Variants in EEA1 observed in about 807,000 individuals in gnomAD.
EEA1 encodes early endosome antigen 1, also known as early endosome antigen 1, 162kD.
EEA1 carries 111 observed loss-of-function variants against 209.2 expected under a neutral mutation model. The ratio of observed to expected loss-of-function variants is 0.53; its 90% confidence interval spans 0.45 to 0.62. The LOEUF is 0.62. EEA1 is among the 20% of genes least tolerant of loss of function. The pLI, the probability that EEA1 is intolerant of heterozygous loss-of-function variation, is 0.00. For missense variants in EEA1, 1,343 were observed against 1,530.8 expected, an observed-to-expected ratio of 0.88 and a Z score of 2.05; for synonymous variants, 536 against 540.6, an observed-to-expected ratio of 0.99 and a Z score of 0.12.
intron 1 of EEA1, among the ~76,000 whole-genome samples, chr12:92,919,531 T>C (rs1880901535): frequency 6.7e-6 from 1 of 149,442 alleles, no homozygotes; most frequent in Non-Finnish European, 1.5e-5. Context: ...AAAAAGCCTT[T>C]GACAAAATTC....
At position 92,777,560 on chromosome 12, in the gene EEA1, C is replaced by A; in HGVS notation, c.3997G>T (p.Glu1333Ter). The change falls in exon 27 of 29, where the codon GAA (glutamate) becomes TAA (stop). Residue 1333 changes from glutamate (E) to a stop codon, truncating the protein, a stop_gained. Coordinates refer to ENST00000322349, the MANE Select transcript of EEA1 (RefSeq NM_003566.4). LOFTEE classifies it high-confidence loss of function. ...TGACTGACCTGAAGTGATTGGTTTTCTCTGCCCAGCTCCTGCACTGCTGCA... is the reference window on the plus strand; with the variant it reads ...TGACTGACCTGAAGTGATTGGTTTTATCTGCCCAGCTCCTGCACTGCTGCA... ...TTAAVQELGRENQSLQIKHTQ... is the reference protein window; with the variant it reads ...TTAAVQELGR 6.2e-7 allele frequency: 1 copy of A among 1,611,732 alleles called. No homozygotes were observed. Among genetic ancestry groups the A allele is most frequent in the Non-Finnish European group, 8.5e-7 (1 of 1,178,470 alleles).
intron 22 of EEA1, among the ~76,000 whole-genome samples, chr12:92,784,222 G>A (rs1874031456): frequency 6.6e-6 from 1 of 152,106 alleles, no homozygotes; most frequent in African/African-American, 2.4e-5. Context: ...CCAAAAAGCA[G>A]AACAGCCATG....
At chr12:92,889,623 G>T (rs1879578758) in intron 2 of EEA1, among the ~76,000 whole-genome samples, 1 of 152,010 alleles carries the variant, frequency 6.6e-6, no homozygotes, top group Non-Finnish European at 1.5e-5. Flanking sequence ...TAAAGTCCGG[G>T]AGCAGTGACT....
At chr12:92,821,047 C>T (rs1876031531) in intron 13 of EEA1, 1 of 152,084 alleles carries the variant, frequency 6.6e-6, no homozygotes, top group Admixed American at 6.6e-5. Context: ...TCTATTAAAT[C>T]CCTACCTCAT....
At chr12:92,814,106 TG>T (rs1401929591) in intron 15 of EEA1, among the ~76,000 whole-genome samples, 18 of 152,094 alleles carry the variant, frequency 1.2e-4, no homozygotes, top group Non-Finnish European at 2.1e-4. Context: ...ACAGTAAAAA[TG>T]GGGGGTGCAT....
chr12:92,840,592 G>A (rs776139732), intron 10 of EEA1, among the ~76,000 whole-genome samples: 4 of 152,324 alleles, frequency 2.6e-5, no homozygotes, highest in South Asian at 4.1e-4. Flanking sequence ...GATTACAGGC[G>A]TGAGCCACCG....
At chr12:92,796,810 A>G (rs1359672019) in intron 21 of EEA1, among the ~76,000 whole-genome samples, 1 of 152,150 alleles carries the variant, frequency 6.6e-6, no homozygotes, top group Non-Finnish European at 1.5e-5. Context: ...CAACTATTTT[A>G]CTTCCACATT....
intron 1 of EEA1, among the ~76,000 whole-genome samples, chr12:92,894,883 G>GT (rs1356463474): frequency 6.6e-6 from 1 of 152,190 alleles, no homozygotes. Context: ...GATGTCATCT[G>GT]TAACTACTAT....
At chr12:92,801,500 G>A in intron 20 of EEA1, 100 bp downstream of exon 20, 2 of 719,108 alleles carry the variant, frequency 2.8e-6, no homozygotes, top group Non-Finnish European at 4.2e-6. Context: ...AATTATCTGT[G>A]GAAATGCCCC....
At chr12:92,909,453 CAT>C (rs756648469) in intron 1 of EEA1, among the ~76,000 whole-genome samples, 1 of 152,188 alleles carries the variant, frequency 6.6e-6, no homozygotes, top group Non-Finnish European at 1.5e-5. Flanking sequence ...ACATGCTAAA[CAT>C]ATGTAAATCC....
chr12:92,832,012 G>A (rs112951524), intron 11 of EEA1, among the ~76,000 whole-genome samples: 7 of 150,782 alleles, frequency 4.6e-5, no homozygotes, highest in African/African-American at 9.7e-5. Context: ...GCGTGAACCC[G>A]GGAAGCGGAG....
chr12:92,867,916 A>G (rs1248412078), intron 2 of EEA1, among the ~76,000 whole-genome samples: 1 of 152,214 alleles, frequency 6.6e-6, no homozygotes, highest in Non-Finnish European at 1.5e-5. Context: ...AAGAATAAAT[A>G]GGAGTTTACC....
At position 92,779,316 on chromosome 12, in the gene EEA1, G is replaced by T; in HGVS notation, c.3469-16C>A. On this transcript the variant is annotated splice_polypyrimidine_tract_variant and intron_variant, in intron 24 of 28. Coordinates refer to ENST00000322349, the MANE Select transcript of EEA1 (RefSeq NM_003566.4). ...TTGTTATCTCCTGTTGAAAAAGTAG[G>T]GCCAAAAATAAATCATCCTTCATAG... The T allele has an allele frequency of 6.4e-7, 1 of 1,562,628 alleles. No individual in the cohort carries two copies. The highest frequency in any genetic ancestry group is 1.2e-5 in the South Asian group (1 of 81,578).
intron 2 of EEA1, among the ~76,000 whole-genome samples, chr12:92,875,741 T>C (rs1373047063): frequency 1.3e-5 from 2 of 152,210 alleles, no homozygotes; most frequent in African/African-American, 2.4e-5. Flanking sequence ...TATAATAGTC[T>C]ATAAGGCCCT....
At chr12:92,789,995 G>A (rs1330236489) in intron 21 of EEA1, among the ~76,000 whole-genome samples, 1 of 152,236 alleles carries the variant, frequency 6.6e-6, no homozygotes, top group African/African-American at 2.4e-5. Flanking sequence ...GTGATACCCA[G>A]GCAAACAGAG....
At chr12:92,823,723 T>C (rs942446873) in intron 13 of EEA1, among the ~76,000 whole-genome samples, 2 of 152,224 alleles carry the variant, frequency 1.3e-5, no homozygotes, top group African/African-American at 2.4e-5. Context: ...TTTAAACTTA[T>C]TGGAAAGTGC....
intron 1 of EEA1, among the ~76,000 whole-genome samples, chr12:92,922,778 C>T (rs1321398718): frequency 6.6e-6 from 1 of 151,468 alleles, no homozygotes; most frequent in Non-Finnish European, 1.5e-5. Flanking sequence ...CATAGTGAAA[C>T]CCCATCTCTA....
At chr12:92,780,169 T>G in intron 24 of EEA1, 111 bp downstream of exon 24, 1 of 1,154,162 alleles carries the variant, frequency 8.7e-7, no homozygotes, top group East Asian at 2.9e-5. Flanking sequence ...CAGAACAATT[T>G]GCCTAGCACA....
At chr12:92,902,246 A>T (rs2136766484) in intron 1 of EEA1, among the ~76,000 whole-genome samples, 1 of 152,334 alleles carries the variant, frequency 6.6e-6, no homozygotes, top group East Asian at 1.9e-4. Flanking sequence ...CTTAAAAACA[A>T]GGTACACAAT....
Sources: gnomAD v4.1 joint callset for allele counts (sites outside exome capture counted in the v4.1 genomes callset) on GRCh38, gnomAD v4.1.1 for gene constraint, MANE v1.5 for transcripts, NCBI Gene and HGNC (gene_info 2026-07-23, HGNC 2026-07-21) for gene names.